MIDEAS: variants seen among roughly 807,000 people sequenced by gnomAD.
MIDEAS encodes mitotic deacetylase-associated SANT domain protein.
In MIDEAS, 26 loss-of-function variants were observed where a neutral mutation model predicts 102.7. The observed-to-expected ratio is 0.25, with a 90% confidence interval of 0.19 to 0.35. The LOEUF (loss-of-function observed/expected upper bound fraction) is 0.35. Ranked by LOEUF, MIDEAS falls within the 10% of genes least tolerant of loss-of-function variation. MIDEAS has a pLI of 1.00. For synonymous variants in MIDEAS, 585 were observed against 591.0 expected, an observed-to-expected ratio of 0.99 and a Z score of 0.15; for missense variants, 1,231 against 1,435.6, an observed-to-expected ratio of 0.86 and a Z score of 2.30.
In MIDEAS at chr14:73,739,206, A is replaced by G; in HGVS notation, c.803T>C (p.Met268Thr). The change falls in exon 2 of 13, where the codon ATG (methionine) becomes ACG (threonine). Residue 268 changes from methionine (M) to threonine (T), a missense_variant. By Grantham distance (81) the Met-to-Thr change is moderately conservative. Coordinates refer to ENST00000423556, the MANE Select transcript of MIDEAS (RefSeq NM_001367710.1). ...QQQQQAALPQ[M>T]PLFENFYSMP... ...GGAATAGAAGTTCTCAAAGAGCGGC[A>G]TCTGGGGTAGGGCTGCCTGCTGCTG... 6.2e-7 allele frequency: 1 copy of G among 1,613,744 alleles called. No homozygotes were observed. The highest frequency in any genetic ancestry group is 8.5e-7 in the Non-Finnish European group (1 of 1,179,950).
chr14:73,718,811 GGCCCAGGACTGGGCCAGCC>G lies in MIDEAS; in HGVS notation c.*13_*31del. The stretch of plus-strand genomic sequence containing the variant: ...CTGGCGGCGGTGCGGGAAGGGCCGA[GGCCCAGGACTGGGCCAGCC>G]TGGCTCCCGCGCTCAGCCCTTGTCG... On this transcript the variant is annotated 3_prime_UTR_variant, in exon 13 of 13. Coordinates refer to ENST00000423556, the MANE Select transcript of MIDEAS (RefSeq NM_001367710.1). The G allele has an allele frequency of 7.2e-7, 1 of 1,379,542 alleles. No homozygotes were observed. The highest frequency in any genetic ancestry group is 9.3e-7 in the Non-Finnish European group (1 of 1,073,974). The allele number at this position is 1,379,542 out of a possible 1,614,324, so 85.5% of individuals were successfully genotyped here. A position where few individuals can be genotyped will look rare whatever the true frequency, so the allele number is the denominator to read the frequency against.
chr14:73,757,563 T>G (rs1177252924), intron 1 of MIDEAS, among the ~76,000 whole-genome samples: 2 of 152,122 alleles, frequency 1.3e-5, no homozygotes, highest in African/African-American at 4.8e-5. Context: ...TGAAACAGGA[T>G]TAGAAGGATA....
intron 1 of MIDEAS, among the ~76,000 whole-genome samples, chr14:73,772,118 A>G (rs541008730): frequency 1.6e-3 from 248 of 152,336 alleles, no homozygotes; most frequent in Non-Finnish European, 1.8e-3. Context: ...CAGCCAGTCT[A>G]TGAAGTCAGG....
At chr14:73,736,003 G>A (rs1271994471) in intron 3 of MIDEAS, among the ~76,000 whole-genome samples, 7 of 151,750 alleles carry the variant, frequency 4.6e-5, no homozygotes, top group African/African-American at 1.5e-4. Context: ...CTAAAAATAC[G>A]AAAATTAGCC....
In MIDEAS at chr14:73,729,823, C is replaced by T. The variant is rs200009619; in HGVS notation, c.1912G>A (p.Val638Met). Residue 638 changes from valine to methionine, a missense_variant, in exon 4 of 13, where the codon GTG becomes ATG. Coordinates refer to ENST00000423556, the MANE Select transcript of MIDEAS (RefSeq NM_001367710.1). The stretch of plus-strand genomic sequence containing the variant: ...TCAGAGGGGTGGTCAGCTAGGCGCA[C>T]GGGAGAGCGCAGGTGGCTCTGGTAT... ...TPYQSHLRSP[V>M]RLADHPSERS... 67 of 1,612,942 alleles carry T rather than the reference C, an allele frequency of 4.2e-5. No individual in the cohort carries two copies. The highest frequency in any genetic ancestry group is 4.8e-5 in the Non-Finnish European group (57 of 1,179,728).
chr14:73,764,339 C>CAAAAAAAAAAA (rs5809629), upstream of MIDEAS, among the ~76,000 whole-genome samples: 4 of 88,232 alleles, frequency 4.5e-5, no homozygotes, highest in Non-Finnish European at 6.6e-5. Flanking sequence ...GACCCTGTCT[C>CAAAAAAAAAAA]AAAAAAAAAA....
At chr14:73,722,669 T>C in intron 10 of MIDEAS, 29 bp downstream of exon 10, 1 of 1,610,770 alleles carries the variant, frequency 6.2e-7, no homozygotes. Flanking sequence ...GCCCAGGCTC[T>C]ATGCAGCTGA....
intron 9 of MIDEAS, chr14:73,723,585 G>A (rs753073092): frequency 1.3e-5 from 2 of 152,206 alleles, no homozygotes; most frequent in Non-Finnish European, 2.9e-5. Flanking sequence ...TACTTTTAAT[G>A]ATTAGCTGAA....
upstream of MIDEAS, among the ~76,000 whole-genome samples, chr14:73,761,457 C>T (rs534146566): frequency 1.3e-5 from 2 of 152,340 alleles, no homozygotes; most frequent in East Asian, 3.9e-4. Context: ...CGTACATGTA[C>T]ACCTGGAAGT....
chr14:73,772,012 G>A (rs771991369), intron 1 of MIDEAS, among the ~76,000 whole-genome samples: 3 of 152,236 alleles, frequency 2.0e-5, no homozygotes, highest in Non-Finnish European at 4.4e-5. Context: ...CGTGCTCACT[G>A]GGCTGGTTCC....
chr14:73,718,817 G>C lies in MIDEAS; in HGVS notation c.*26C>G. The C allele has an allele frequency of 1.4e-6, 2 of 1,408,242 alleles. No homozygotes were observed. The highest frequency in any genetic ancestry group is 3.1e-5 in the South Asian group (2 of 64,656). The allele number at this position is 1,408,242 out of a possible 1,614,324, so 87.2% of individuals were successfully genotyped here. A position where few individuals can be genotyped will look rare whatever the true frequency, so the allele number is the denominator to read the frequency against. ...GCGGTGCGGGAAGGGCCGAGGCCCA[G>C]GACTGGGCCAGCCTGGCTCCCGCGC... On this transcript the variant is annotated 3_prime_UTR_variant, in exon 13 of 13. Coordinates refer to ENST00000423556, the MANE Select transcript of MIDEAS (RefSeq NM_001367710.1).
chr14:73,733,618 A>G (rs1267093875), intron 3 of MIDEAS, among the ~76,000 whole-genome samples: 1 of 152,172 alleles, frequency 6.6e-6, no homozygotes, highest in African/African-American at 2.4e-5. Context: ...AAAAACCCAG[A>G]AACAAAAACA....
chr14:73,730,114 A>G, intron 3 of MIDEAS, 129 bp from the exon 4 acceptor site: 1 of 977,736 alleles, frequency 1.0e-6, no homozygotes, highest in South Asian at 1.4e-5. Context: ...GGCAAGCCTG[A>G]AAAAAGGAGC....
At chr14:73,771,453 G>A (rs942501993) in intron 1 of MIDEAS, among the ~76,000 whole-genome samples, 1 of 152,098 alleles carries the variant, frequency 6.6e-6, no homozygotes, top group African/African-American at 2.4e-5. Context: ...CACATTCCTG[G>A]GCTGGTCACA....
At chr14:73,721,230 C>A in intron 11 of MIDEAS, 67 bp downstream of exon 11, 1 of 1,484,628 alleles carries the variant, frequency 6.7e-7, no homozygotes, top group Non-Finnish European at 9.3e-7. Flanking sequence ...TCTACCCTCC[C>A]TCCCACGCCC....
At position 73,722,842 on chromosome 14, in the gene MIDEAS, C is replaced by G; in HGVS notation, c.2580G>C (p.Gln860His). 1 of 1,614,038 alleles carries G rather than the reference C, an allele frequency of 6.2e-7. No homozygotes were observed. The highest frequency in any genetic ancestry group is 8.5e-7 in the Non-Finnish European group (1 of 1,179,930). Reference protein sequence around the residue: ...KDFFLVQKLIQTKTVAQCVEF... With the variant: ...KDFFLVQKLIHTKTVAQCVEF... ...CCACGCACTGGGCCACGGTCTTGGT[C>G]TGGATCTGGTTTGAAGTCAAAACTG... The change falls in exon 10 of 13, where the codon CAG becomes CAC. Residue 860 changes from glutamine (Q) to histidine (H), a missense_variant. Around this residue, in one of 5 missense-constraint regions of MIDEAS, gnomAD observed 391 missense variants for 483.0 expected, o/e 0.81. Coordinates refer to ENST00000423556, the MANE Select transcript of MIDEAS (RefSeq NM_001367710.1).
chr14:73,756,295 T>TGTGTGTGTGTGTGTGTGTGTGTGCGCGC (rs55692592), intron 1 of MIDEAS, among the ~76,000 whole-genome samples: 1 of 127,626 alleles, frequency 7.8e-6, no homozygotes. Context: ...TGTGTGTGTG[T>TGTGTGTGTGTGTGTGTGTGTGTGCGCGC]GCGCGCGCGC....
intron 1 of MIDEAS, among the ~76,000 whole-genome samples, chr14:73,745,614 T>C (rs2053341164): frequency 6.6e-6 from 1 of 152,122 alleles, no homozygotes; most frequent in Admixed American, 6.5e-5. Context: ...ACTCGGTAAA[T>C]GGCCTGGAAC....
chr14:73,722,536 G>T, intron 10 of MIDEAS, 162 bp downstream of exon 10: 1 of 705,020 alleles, frequency 1.4e-6, no homozygotes, highest in East Asian at 2.7e-5. Context: ...AGTATAGAGA[G>T]GAGAACCCAG....
Sources: gnomAD v4.1 joint callset for allele counts (sites outside exome capture counted in the v4.1 genomes callset) on GRCh38, gnomAD v4.1.1 for gene constraint, gnomAD v4.1.1 regional missense constraint, MANE v1.5 for transcripts, NCBI Gene and HGNC (gene_info 2026-07-23, HGNC 2026-07-21) for gene names.